The following CDC23 variants were observed in gnomAD, a reference collection of about 807,000 sequenced individuals.
CDC23 encodes the protein cell division cycle 23.
In CDC23, 26 loss-of-function variants were observed where a neutral mutation model predicts 81.7. The ratio of observed to expected loss-of-function variants is 0.32; its 90% CI spans 0.23 to 0.44. The LOEUF (loss-of-function observed/expected upper bound fraction) is 0.44, where lower values mean the gene tolerates loss of function less well. CDC23 is among the 20% of genes least tolerant of loss of function. The pLI, the probability that CDC23 is intolerant of heterozygous loss-of-function variation, is 1.00. For synonymous variants in CDC23, 267 were observed against 270.8 expected (o/e 0.99, Z 0.14); for missense variants, 519 against 728.0 (o/e 0.71, Z 3.30).
chr5:138,189,226 C>A, intron 15 of CDC23, 78 bp from the exon 16 acceptor site: 2 of 1,360,264 alleles, frequency 1.5e-6, no homozygotes, highest in Non-Finnish European at 2.0e-6. Context: ...TGCTGTTAAA[C>A]AAGTTCCACA....
At chr5:138,201,694 C>T (rs1275833574) in intron 4 of CDC23, among the ~76,000 whole-genome samples, 2 of 152,098 alleles carry the variant, frequency 1.3e-5, no homozygotes, top group Non-Finnish European at 2.9e-5. Flanking sequence ...GAAAGTTACA[C>T]CTGAAACCTC....
Position 138,213,262 on chromosome 5 carries a change from C to T in CDC23, c.51G>A (p.Ala17=), listed in dbSNP as rs763089444. 2 of 1,613,960 alleles carry T rather than the reference C, an allele frequency of 1.2e-6. No homozygotes were observed. Among genetic ancestry groups the T allele is most frequent in the Non-Finnish European group, 1.7e-6 (2 of 1,180,014 alleles). Residue 17 remains alanine, a synonymous_variant, in exon 1 of 16, where the codon GCG becomes GCA. Coordinates refer to ENST00000394886, the MANE Select transcript of CDC23 (RefSeq NM_004661.4). ...AATCGCTGTTTATGGACAGGACAGG[C>T]GCCACTGCCGCCGTCACAGCCACCG... The part of the protein sequence containing the change: ...MVPVAVTAAV[A]PVLSINSDFS...
Position 138,213,300 on chromosome 5 carries a change from T to C in CDC23, c.13A>G (p.Thr5Ala), listed in dbSNP as rs1487294282. 9.9e-6 allele frequency: 16 copies of C among 1,612,948 alleles called. No individual in the cohort carries two copies. Among genetic ancestry groups the C allele is most frequent in the East Asian group, 2.2e-5 (1 of 44,862 alleles). The part of the protein sequence containing the change: MAAS[T>A]SMVPVAVTAA... ...GTCACAGCCACCGGGACCATGGAGGTACTCGCAGCCATTTTCCCGACTCGG... is the reference window on the plus strand; with the variant it reads ...GTCACAGCCACCGGGACCATGGAGGCACTCGCAGCCATTTTCCCGACTCGG... The change falls in exon 1 of 16, where the codon ACC becomes GCC. Residue 5 changes from threonine to alanine, a missense_variant. Thr to Ala is a moderately conservative substitution (Grantham distance 58). Around this residue, in one of 4 missense-constraint regions of CDC23, gnomAD observed 126 missense variants for 116.2 expected, o/e 1.08. Coordinates refer to ENST00000394886, the MANE Select transcript of CDC23 (RefSeq NM_004661.4).
rs537803083 is a variant in CDC23 at position 138,212,498 on chromosome 5, A to G, written c.234+493T>C. Among the ~76,000 whole-genome samples the G allele has an allele frequency of 3.3e-5, 5 of 151,412 alleles. No homozygotes were observed. In the South Asian group the frequency reaches 1.1e-3, roughly 32 times the overall value. ...CATGTCCGGCTAATTTTGTATTTTTACTAGAGACGGGGTTTCACCGTGTTG... is the reference window on the plus strand; with the variant it reads ...CATGTCCGGCTAATTTTGTATTTTTGCTAGAGACGGGGTTTCACCGTGTTG... On this transcript the variant is annotated intron_variant, in intron 2 of 15. Coordinates refer to ENST00000394886, the MANE Select transcript of CDC23 (RefSeq NM_004661.4).
intron 9 of CDC23, among the ~76,000 whole-genome samples, chr5:138,195,669 T>TATATACGCATATATACATATA: frequency 8.8e-6 from 1 of 113,358 alleles, no homozygotes; most frequent in South Asian, 2.3e-4. Flanking sequence ...ACATATATTT[T>TATATACGCATATATACATATA]ATATATGCAT....
chr5:138,200,891 T>A (rs992416402), intron 6 of CDC23: 1 of 539,138 alleles, frequency 1.9e-6, no homozygotes, highest in Non-Finnish European at 3.3e-6. Flanking sequence ...TATTCTAGTA[T>A]AACTGGATAC....
chr5:138,196,244 AAAAG>A (rs1389196916), intron 9 of CDC23, among the ~76,000 whole-genome samples: 1 of 152,086 alleles, frequency 6.6e-6, no homozygotes, highest in Non-Finnish European at 1.5e-5. Flanking sequence ...AATGATTATT[AAAAG>A]AAAGAAAAAA....
chr5:138,200,540 C>T (rs184375309), intron 6 of CDC23, among the ~76,000 whole-genome samples: 2 of 151,810 alleles, frequency 1.3e-5, no homozygotes, highest in Admixed American at 1.3e-4. Flanking sequence ...GTAACATAGG[C>T]TGGGCGTGGT....
chr5:138,211,438 G>T (rs900364072), intron 2 of CDC23, among the ~76,000 whole-genome samples: 1 of 152,158 alleles, frequency 6.6e-6, no homozygotes, highest in Non-Finnish European at 1.5e-5. Flanking sequence ...AAGGTAGGTG[G>T]ATCACCTGAA....
chr5:138,206,871 T>C (rs947693022), intron 2 of CDC23, among the ~76,000 whole-genome samples, 187 bp from the exon 3 acceptor site: 5 of 149,958 alleles, frequency 3.3e-5, no homozygotes, highest in African/African-American at 7.3e-5. Context: ...AGTAAGCCCA[T>C]AGAACTCTTT....
At chr5:138,202,612 G>A (rs887608844) in intron 3 of CDC23, among the ~76,000 whole-genome samples, 1 of 152,148 alleles carries the variant, frequency 6.6e-6, no homozygotes, top group Non-Finnish European at 1.5e-5. Flanking sequence ...ACTCTTCAGG[G>A]CCTCCCTGGC....
At chr5:138,194,466 G>C (rs1238673712) in intron 9 of CDC23, among the ~76,000 whole-genome samples, 1 of 152,056 alleles carries the variant, frequency 6.6e-6, no homozygotes, top group Non-Finnish European at 1.5e-5. Context: ...ACTAAATATT[G>C]CAAGAATCTA....
Position 138,187,827 on chromosome 5 carries a change from G to T in CDC23, c.*1151C>A, listed in dbSNP as rs1754772423. ...TGCCTGAGAAGGCTTAGTAACAAAT[G>T]AATTCAAGTCGTATTAGATATTCTA... On this transcript the variant is annotated 3_prime_UTR_variant, in exon 16 of 16. Transcript: ENST00000394886. The T allele has an allele frequency of 6.0e-6, 1 of 165,382 alleles. No homozygotes were observed. The highest frequency in any genetic ancestry group is 5.6e-5 in the Admixed American group (1 of 17,750). The allele number at this position is 165,382 out of a possible 1,614,324, so 10.2% of individuals were successfully genotyped here.
intron 12 of CDC23, 42 bp from the exon 13 acceptor site, chr5:138,191,577 G>A (rs751426683): frequency 1.6e-5 from 25 of 1,555,392 alleles, no homozygotes; most frequent in Non-Finnish European, 2.1e-5. Context: ...ATTGTCCCAT[G>A]TGTCACAACT....
At chr5:138,197,606 T>G (rs1754931848) in intron 9 of CDC23, among the ~76,000 whole-genome samples, 1 of 150,766 alleles carries the variant, frequency 6.6e-6, no homozygotes, top group Non-Finnish European at 1.5e-5. Context: ...ATGTGATTCT[T>G]CTGCCTCAAC....
At chr5:138,200,582 G>A (rs1754976406) in intron 6 of CDC23, among the ~76,000 whole-genome samples, 2 of 151,742 alleles carry the variant, frequency 1.3e-5, no homozygotes, top group South Asian at 4.2e-4. Flanking sequence ...CACTTTGGGA[G>A]ATTGAGGCAG....
chr5:138,198,850 A>G (rs1754949361), intron 6 of CDC23, 68 bp from the exon 7 acceptor site: 1 of 1,483,576 alleles, frequency 6.7e-7, no homozygotes, highest in African/African-American at 1.4e-5. Flanking sequence ...ACATCCAGGA[A>G]CTATCTTTAT....
Position 138,201,241 on chromosome 5 carries a change from T to TG in CDC23, c.522-3dup, listed in dbSNP as rs1205159223. On this transcript the variant is annotated splice_region_variant and splice_polypyrimidine_tract_variant and intron_variant, in intron 5 of 15. Transcript: ENST00000394886. ...AGTTTTCGAAGCACCACACCATACC[T>TG]GGGAAAAAAAAGAAACAATCACAGA... The TG allele has an allele frequency of 1.2e-6, 2 of 1,612,644 alleles. No individual in the cohort carries two copies. Among genetic ancestry groups the TG allele is most frequent in the African/African-American group, 2.7e-5 (2 of 74,752 alleles).
Position 138,213,290 on chromosome 5 carries a change from A to AC in CDC23, c.22dup (p.Val8GlyfsTer26). 1 of 1,613,802 alleles carries AC rather than the reference A, an allele frequency of 6.2e-7. No individual in the cohort carries two copies. The highest frequency in any genetic ancestry group is 8.5e-7 in the Non-Finnish European group (1 of 1,179,952). On this transcript the variant is annotated frameshift_variant, in exon 1 of 16. Transcript: ENST00000394886. LOFTEE classifies it high-confidence loss of function. ...CACTGCCGCCGTCACAGCCACCGGG[A>AC]CCATGGAGGTACTCGCAGCCATTTT...
Sources: allele counts gnomAD v4.1 joint callset (sites outside exome capture counted in the v4.1 genomes callset), GRCh38; gene constraint gnomAD v4.1.1; regional missense constraint gnomAD v4.1.1; transcripts MANE v1.5; gene names NCBI Gene and HGNC (gene_info 2026-07-23, HGNC 2026-07-21).